MEOX2: variants seen among roughly 807,000 people sequenced by gnomAD.
The protein encoded by MEOX2 is mesenchyme homeobox 2, also known as homeobox protein MOX-2.
In MEOX2, 11 loss-of-function variants were observed where a neutral mutation model predicts 27.0. The ratio of observed to expected loss-of-function variants is 0.41; its 90% CI spans 0.26 to 0.68. MEOX2 has a LOEUF of 0.68. Ranked by LOEUF, MEOX2 falls within the 30% of genes least tolerant of loss-of-function variation. The pLI, the probability that MEOX2 is intolerant of heterozygous loss-of-function variation, is 0.33. For synonymous variants in MEOX2, 189 were observed against 155.4 expected (o/e 1.22, Z -1.61); for missense variants, 436 against 385.4 (o/e 1.13, Z -1.10).
rs77085500 is a variant in MEOX2 at position 15,613,509 on chromosome 7, A to G, written c.691-898T>C. 9.2e-3 allele frequency among the ~76,000 whole-genome samples: 1,397 copies of G among 152,036 alleles called. 20 individuals are homozygous for G. Among genetic ancestry groups the G allele is most frequent in the African/African-American group, 0.028 (1,162 of 41,526 alleles). ...CTGTTTCTTTCACATTGCATTTCTC[A>G]TAATTATAGCTTCTAGCAAGCAAAG... On this transcript the variant is annotated intron_variant, in intron 2 of 2. Coordinates refer to ENST00000262041, the MANE Select transcript of MEOX2 (RefSeq NM_005924.5).
intron 2 of MEOX2, among the ~76,000 whole-genome samples, chr7:15,625,547 T>G (rs1260146228): frequency 6.6e-6 from 1 of 152,190 alleles, no homozygotes; most frequent in East Asian, 1.9e-4. Context: ...ATAAAATAAC[T>G]TGCTCTCTTA....
chr7:15,627,166 A>G (rs1010164328), intron 1 of MEOX2, among the ~76,000 whole-genome samples: 5 of 152,174 alleles, frequency 3.3e-5, no homozygotes, highest in African/African-American at 1.2e-4. Context: ...TAAAATATTA[A>G]CAAAACCTTT....
At chr7:15,652,660 T>C (rs1490375955) in intron 1 of MEOX2, among the ~76,000 whole-genome samples, 1 of 152,070 alleles carries the variant, frequency 6.6e-6, no homozygotes, top group Non-Finnish European at 1.5e-5. Context: ...CAATCTCTAT[T>C]TCTGCAAGTT....
intron 1 of MEOX2, among the ~76,000 whole-genome samples, chr7:15,651,284 C>A (rs944812342): frequency 1.3e-5 from 2 of 151,816 alleles, no homozygotes; most frequent in Non-Finnish European, 2.9e-5. Flanking sequence ...ATTTCTCCTG[C>A]CCATAGTAAT....
chr7:15,629,358 G>C (rs6959221), intron 1 of MEOX2, among the ~76,000 whole-genome samples: 85,200 of 151,692 alleles, frequency 0.56, 24,473 homozygotes, highest in Non-Finnish European at 0.64. Flanking sequence ...GGTTTATACA[G>C]CCAGTGACTG....
intron 1 of MEOX2, among the ~76,000 whole-genome samples, chr7:15,632,078 A>G (rs1021006758): frequency 6.6e-6 from 1 of 152,010 alleles, no homozygotes; most frequent in African/African-American, 2.4e-5. Context: ...TTAGGTCTCT[A>G]AAGTCCTCCA....
At position 15,686,364 on chromosome 7, in the gene MEOX2, G is replaced by A. The variant is rs770334664; in HGVS notation, c.39C>T (p.His13=). ...HPLFGCLRSP[H]ATAQGLHPFS... is the part of the protein sequence containing the mutation. ...ACGGGTGCAAGCCTTGCGCCGTGGC[G>A]TGAGGGCTGCGCAGGCAGCCAAAGA... Residue 13 remains histidine (H), a synonymous_variant, in exon 1 of 3, where the codon CAC becomes CAT. Coordinates refer to ENST00000262041, the MANE Select transcript of MEOX2 (RefSeq NM_005924.5). 9 of 1,590,062 alleles carry A rather than the reference G, an allele frequency of 5.7e-6. No homozygotes were observed. In the South Asian group the frequency reaches 9.1e-5, roughly 16 times the overall value.
At chr7:15,675,038 G>A (rs1033165888) in intron 1 of MEOX2, among the ~76,000 whole-genome samples, 1 of 152,032 alleles carries the variant, frequency 6.6e-6, no homozygotes, top group African/African-American at 2.4e-5. Context: ...CACAAAAAAA[G>A]GCAAATACAA....
chr7:15,666,622 T>G (rs978320065), intron 1 of MEOX2, among the ~76,000 whole-genome samples: 2 of 151,200 alleles, frequency 1.3e-5, no homozygotes, highest in African/African-American at 2.4e-5. Context: ...CGTTGTGGTA[T>G]GTGCCTATAG....
chr7:15,649,383 T>C (rs956787397), intron 1 of MEOX2, among the ~76,000 whole-genome samples: 1 of 151,944 alleles, frequency 6.6e-6, no homozygotes, highest in African/African-American at 2.4e-5. Flanking sequence ...AGCTAAAACA[T>C]CGAAGAACAT....
chr7:15,653,397 G>A (rs577747191), intron 1 of MEOX2, among the ~76,000 whole-genome samples: 1 of 151,924 alleles, frequency 6.6e-6, no homozygotes, highest in South Asian at 2.1e-4. Context: ...CAGATATGTG[G>A]TTTGGTAACA....
intron 2 of MEOX2, among the ~76,000 whole-genome samples, chr7:15,619,193 G>C (rs1057103679): frequency 3.9e-5 from 6 of 151,900 alleles, no homozygotes; most frequent in African/African-American, 1.4e-4. Flanking sequence ...CACAAAACTT[G>C]CACGAGCTTC....
intron 1 of MEOX2, among the ~76,000 whole-genome samples, chr7:15,669,765 C>T (rs1227771746): frequency 6.6e-6 from 1 of 152,198 alleles, no homozygotes; most frequent in Non-Finnish European, 1.5e-5. Context: ...GTTAAAAACT[C>T]CTCTAGTAGC....
At chr7:15,667,790 A>G (rs1782032924) in intron 1 of MEOX2, among the ~76,000 whole-genome samples, 1 of 152,180 alleles carries the variant, frequency 6.6e-6, no homozygotes, top group Non-Finnish European at 1.5e-5. Context: ...GTAAAAGGAG[A>G]AAGTTTTTAC....
chr7:15,629,662 T>C (rs1337102181), intron 1 of MEOX2, among the ~76,000 whole-genome samples: 5 of 152,138 alleles, frequency 3.3e-5, no homozygotes, highest in African/African-American at 9.7e-5. Context: ...CTTTTACCCT[T>C]GTAGTGTGGT....
intron 1 of MEOX2, among the ~76,000 whole-genome samples, chr7:15,642,758 T>G (rs1373460143): frequency 6.6e-6 from 1 of 152,222 alleles, no homozygotes; most frequent in East Asian, 1.9e-4. Context: ...TTTTTGAACT[T>G]ACTTTCATTT....
chr7:15,620,450 C>G (rs2115356073), intron 2 of MEOX2, among the ~76,000 whole-genome samples: 2 of 152,134 alleles, frequency 1.3e-5, no homozygotes, highest in Middle Eastern at 6.8e-3. Context: ...CTCCTGTAGT[C>G]CCAACTACTC....
At chr7:15,620,549 G>A (rs2115356159) in intron 2 of MEOX2, among the ~76,000 whole-genome samples, 1 of 151,434 alleles carries the variant, frequency 6.6e-6, no homozygotes, top group Middle Eastern at 3.4e-3. Context: ...CTCCAGCCTG[G>A]GTGACAAACA....
intron 1 of MEOX2, among the ~76,000 whole-genome samples, chr7:15,672,912 GA>G (rs1782127122): frequency 6.7e-6 from 1 of 149,780 alleles, no homozygotes; most frequent in African/African-American, 2.5e-5. Flanking sequence ...AAAAGAAAAA[GA>G]AAAAAGAAAG....
Sources: gnomAD v4.1 joint callset for allele counts (sites outside exome capture counted in the v4.1 genomes callset) on GRCh38, gnomAD v4.1.1 for gene constraint, MANE v1.5 for transcripts, NCBI Gene and HGNC (gene_info 2026-07-23, HGNC 2026-07-21) for gene names.